The following FMN1 variants were observed in gnomAD, a reference collection of about 807,000 sequenced individuals.
FMN1 encodes formin-1.
FMN1 carries 110 observed loss-of-function variants against 132.4 expected under a neutral mutation model. The observed-to-expected ratio is 0.83, with a 90% CI of 0.71 to 0.97. The LOEUF is 0.97. Ranked by LOEUF, FMN1 falls within the 50% of genes least tolerant of loss-of-function variation. The probability of loss-of-function intolerance (pLI) is 0.00; values close to 1 mark genes in which losing one functional copy is unlikely to be tolerated. For missense variants in FMN1, 1,792 were observed against 1,705.3 expected, an observed-to-expected ratio of 1.05 and a Z score of -0.90; for synonymous variants, 722 against 651.7, an observed-to-expected ratio of 1.11 and a Z score of -1.64.
intron 15 of FMN1, among the ~76,000 whole-genome samples, chr15:32,896,392 A>G (rs1259137502): frequency 6.6e-6 from 1 of 152,160 alleles, no homozygotes; most frequent in Non-Finnish European, 1.5e-5. Flanking sequence ...TACTTCCAAC[A>G]GAGGACATAA....
At chr15:33,012,314 G>C in intron 6 of FMN1, 2 of 781,876 alleles carry the variant, frequency 2.6e-6, no homozygotes, top group East Asian at 2.4e-5. Flanking sequence ...TGCCACCGTG[G>C]AGGAGGCAGA....
intron 7 of FMN1, among the ~76,000 whole-genome samples, chr15:32,981,615 C>G (rs189035339): frequency 6.6e-6 from 1 of 150,814 alleles, no homozygotes; most frequent in African/African-American, 2.4e-5. Flanking sequence ...ACTTTTCAGT[C>G]AACTTTGTTG....
intron 4 of FMN1, among the ~76,000 whole-genome samples, chr15:33,144,015 A>G (rs1447396422): frequency 6.6e-6 from 1 of 152,186 alleles, no homozygotes; most frequent in African/African-American, 2.4e-5. Flanking sequence ...CAAAATTACT[A>G]TTAGATGCAG....
intron 16 of FMN1, among the ~76,000 whole-genome samples, chr15:32,881,351 T>C (rs939344984): frequency 5.3e-5 from 8 of 152,234 alleles, no homozygotes; most frequent in African/African-American, 1.9e-4. Context: ...TTCAGCTTTC[T>C]TGTTTGATTA....
chr15:32,861,638 A>T (rs2059270884), intron 16 of FMN1, among the ~76,000 whole-genome samples: 1 of 152,214 alleles, frequency 6.6e-6, no homozygotes, highest in South Asian at 2.1e-4. Flanking sequence ...ATTGGTTGGG[A>T]AACATGTCAA....
chr15:32,936,226 G>A (rs1005337759), intron 9 of FMN1, among the ~76,000 whole-genome samples: 2 of 151,970 alleles, frequency 1.3e-5, no homozygotes, highest in African/African-American at 4.8e-5. Context: ...TTTAGGATTG[G>A]TTTGATTTCT....
intron 6 of FMN1, among the ~76,000 whole-genome samples, chr15:33,042,107 T>C (rs1478700338): frequency 6.6e-6 from 1 of 151,880 alleles, no homozygotes; most frequent in Non-Finnish European, 1.5e-5. Flanking sequence ...AATAGAAACA[T>C]AAAAATCAAT....
chr15:33,094,103 G>A (rs531219205), intron 4 of FMN1, among the ~76,000 whole-genome samples: 32 of 152,168 alleles, frequency 2.1e-4, no homozygotes, highest in Non-Finnish European at 4.1e-4. Flanking sequence ...AGAAGCAGAC[G>A]TGAACAAGTT....
intron 4 of FMN1, among the ~76,000 whole-genome samples, chr15:33,141,748 C>T (rs140871836): frequency 1.3e-5 from 2 of 152,106 alleles, no homozygotes; most frequent in African/African-American, 2.4e-5. Context: ...GTACCTCCCC[C>T]CTTGCAGCTG....
intron 19 of FMN1, among the ~76,000 whole-genome samples, chr15:32,795,472 A>G (rs879267956): frequency 1.2e-4 from 19 of 152,252 alleles, no homozygotes; most frequent in Non-Finnish European, 2.5e-4. Context: ...TTGAGCTAGA[A>G]GAGCTCATAG....
chr15:33,005,030 G>A (rs907400423), intron 7 of FMN1, among the ~76,000 whole-genome samples: 1 of 152,066 alleles, frequency 6.6e-6, no homozygotes, highest in African/African-American at 2.4e-5. Flanking sequence ...CACACACCAG[G>A]GACTGTTGTG....
intron 17 of FMN1, among the ~76,000 whole-genome samples, chr15:32,843,869 A>G (rs976980973): frequency 1.3e-5 from 2 of 152,234 alleles, no homozygotes; most frequent in African/African-American, 4.8e-5. Context: ...TTATAAAAGC[A>G]CATGAACTAA....
intron 6 of FMN1, among the ~76,000 whole-genome samples, chr15:33,055,071 C>T (rs1236395686): frequency 6.6e-6 from 1 of 152,122 alleles, no homozygotes; most frequent in African/African-American, 2.4e-5. Flanking sequence ...GGGGATTGGA[C>T]AATGCCTCAT....
chr15:32,776,935 G>C lies in FMN1; in HGVS notation c.4131-16C>G, dbSNP rs746035953. 47 of 1,453,946 alleles carry C rather than the reference G, an allele frequency of 3.2e-5. No individual in the cohort carries two copies. The highest frequency in any genetic ancestry group is 4.2e-5 in the Non-Finnish European group (44 of 1,048,674). 90.1% of individuals were successfully genotyped at this position (1,453,946 alleles called of 1,614,324 possible). The stretch of plus-strand genomic sequence containing the variant: ...CATTTTCAATCTGAAATAGAAATAG[G>C]GAAAAGACAGGGGAGAGAGGGAAAA... On this transcript the variant is annotated splice_polypyrimidine_tract_variant and intron_variant, in intron 19 of 20. Coordinates refer to ENST00000616417, the MANE Select transcript of FMN1 (RefSeq NM_001277313.2).
intron 19 of FMN1, among the ~76,000 whole-genome samples, chr15:32,777,818 T>G (rs1217264280): frequency 3.3e-5 from 3 of 90,670 alleles, no homozygotes; most frequent in African/African-American, 1.3e-4. Context: ...ATACATTTAT[T>G]TATATATTAT....
chr15:32,812,137 T>C (rs2057904761), intron 17 of FMN1, among the ~76,000 whole-genome samples: 1 of 152,166 alleles, frequency 6.6e-6, no homozygotes, highest in Admixed American at 6.5e-5. Flanking sequence ...CAGAAAAGGA[T>C]TTGAGAAGCT....
chr15:32,964,284 CA>C (rs759612213), intron 8 of FMN1, 27 bp from the exon 9 acceptor site: 69 of 1,514,566 alleles, frequency 4.6e-5, no homozygotes, highest in Admixed American at 1.3e-4. Context: ...ACAAGTTAAC[CA>C]TAAGAACCAA....
intron 19 of FMN1, among the ~76,000 whole-genome samples, chr15:32,782,702 C>T (rs1025681700): frequency 6.6e-6 from 1 of 152,230 alleles, no homozygotes; most frequent in South Asian, 2.1e-4. Context: ...CACGCTCAAC[C>T]TCCTCATTGT....
intron 9 of FMN1, 47 bp downstream of exon 9, chr15:32,964,060 T>C (rs778049380): frequency 1.5e-6 from 2 of 1,333,680 alleles, no homozygotes; most frequent in Non-Finnish European, 2.1e-6. Context: ...TATATACCAT[T>C]TCCCTGTATA....
Sources: allele counts gnomAD v4.1 joint callset (sites outside exome capture counted in the v4.1 genomes callset), GRCh38; gene constraint gnomAD v4.1.1; transcripts MANE v1.5; gene names NCBI Gene and HGNC (gene_info 2026-07-23, HGNC 2026-07-21).